FTSJ3: variants seen among roughly 807,000 people sequenced by gnomAD.
The protein encoded by FTSJ3 is FtsJ RNA 2'-O-methyltransferase 3, also known as pre-rRNA 2'-O-ribose RNA methyltransferase FTSJ3.
In FTSJ3, 46 loss-of-function variants were observed where a neutral mutation model predicts 111.5. The ratio of observed to expected loss-of-function variants is 0.41; its 90% CI spans 0.33 to 0.53. FTSJ3 has a LOEUF of 0.53. FTSJ3 is among the 20% of genes least tolerant of loss of function. The pLI is 0.19. For missense variants in FTSJ3, 1,075 were observed against 1,063.8 expected, an observed-to-expected ratio of 1.01 and a Z score of -0.15; for synonymous variants, 408 against 383.0, an observed-to-expected ratio of 1.07 and a Z score of -0.76.
At chr17:63,826,035 G>A (rs772963309) in intron 5 of FTSJ3, 21 bp downstream of exon 5, 52 of 1,569,770 alleles carry the variant, frequency 3.3e-5, no homozygotes, top group East Asian at 1.1e-4. Context: ...AAGGGGGAAG[G>A]AAGAGAGAGA....
chr17:63,827,627 G>C lies in FTSJ3; in HGVS notation c.-602C>G, dbSNP rs2040125472. ...GCGTCGGGTGGGTCGGAGGTGCCTG[G>C]ACCAGTCCATGCTGGACGCTGCCTG... On this transcript the variant is annotated 5_prime_UTR_variant, in exon 1 of 21. Coordinates refer to ENST00000427159, the MANE Select transcript of FTSJ3 (RefSeq NM_017647.4). 3.2e-6 allele frequency: 5 copies of C among 1,545,118 alleles called. No homozygotes were observed. The Admixed American group carries it at 5.9e-5, about 18-fold the overall frequency.
intron 1 of FTSJ3, 36 bp from the exon 2 acceptor site, chr17:63,826,964 C>T: frequency 7.1e-7 from 1 of 1,416,294 alleles, no homozygotes; most frequent in Non-Finnish European, 1.0e-6. Flanking sequence ...CGTCTCTTTC[C>T]GGAGCACCAG....
chr17:63,819,910 G>T lies in FTSJ3; in HGVS notation c.2436C>A (p.Arg812=). The T allele has an allele frequency of 6.2e-7, 1 of 1,614,126 alleles. No individual in the cohort carries two copies. Among genetic ancestry groups the T allele is most frequent in the Admixed American group, 1.7e-5 (1 of 60,022 alleles). ...VAKKGVGRKV[R]RPAGVRGHFK... ...AATGACCTCTGACTCCAGCTGGCCG[G>T]CGCACTTTGCGGCCCACACCTTTTT... Residue 812 remains arginine, a synonymous_variant, in exon 21 of 21, where the codon CGC becomes CGA. Coordinates refer to ENST00000427159, the MANE Select transcript of FTSJ3 (RefSeq NM_017647.4).
At chr17:63,826,475 CG>C in intron 3 of FTSJ3, 91 bp downstream of exon 3, 1 of 1,247,266 alleles carries the variant, frequency 8.0e-7, no homozygotes, top group Middle Eastern at 2.4e-4. Context: ...GACCGGGATT[CG>C]GGTTCCCCTC....
chr17:63,826,308 T>C lies in FTSJ3; in HGVS notation c.174-4A>G. 2.5e-6 allele frequency: 4 copies of C among 1,613,892 alleles called. No homozygotes were observed. Among genetic ancestry groups the C allele is most frequent in the Non-Finnish European group, 3.4e-6 (4 of 1,179,854 alleles). On this transcript the variant is annotated splice_region_variant and splice_polypyrimidine_tract_variant and intron_variant, in intron 3 of 20. Coordinates refer to ENST00000427159, the MANE Select transcript of FTSJ3 (RefSeq NM_017647.4). ...AAACTTGGCAGCTACCTGCAGCCTA[T>C]AAAAGGAACAGAAATTTAAAAACCT...
Position 63,827,076 on chromosome 17 carries a change from C to T in FTSJ3, c.-51G>A, listed in dbSNP as rs2040115175. The T allele has an allele frequency of 3.1e-6, 2 of 641,848 alleles. No homozygotes were observed. The highest frequency in any genetic ancestry group is 3.6e-5 in the South Asian group (2 of 55,162). The allele number at this position is 641,848 out of a possible 1,614,324, so 39.8% of individuals were successfully genotyped here. A position where few individuals can be genotyped will look rare whatever the true frequency, so the allele number is the denominator to read the frequency against. On this transcript the variant is annotated 5_prime_UTR_variant, in exon 1 of 21. It adds an upstream start codon to the 5' untranslated region. Coordinates refer to ENST00000427159, the MANE Select transcript of FTSJ3 (RefSeq NM_017647.4). The stretch of plus-strand genomic sequence containing the variant: ...CCTAGACCCAGAGCCGCTTTCTCCA[C>T]ACTTGGAACCGCACAAGTATGCAGC...
At chr17:63,825,864 T>G (rs1232937590) in intron 5 of FTSJ3, 192 bp downstream of exon 5, 4 of 636,224 alleles carry the variant, frequency 6.3e-6, no homozygotes. Context: ...CTTCTCCCAA[T>G]TCCAAACACC....
At chr17:63,826,197 AG>A in intron 4 of FTSJ3, 60 bp downstream of exon 4, 2 of 1,608,576 alleles carry the variant, frequency 1.2e-6, no homozygotes, top group East Asian at 4.5e-5. Flanking sequence ...AGAGAAATAC[AG>A]GACAAAATAC....
rs2040107640 is a variant in FTSJ3, at chr17:63,826,633, T to C, written c.107A>G (p.Asn36Ser). 6.2e-7 allele frequency: 1 copy of C among 1,614,068 alleles called. No individual in the cohort carries two copies. Among genetic ancestry groups the C allele is most frequent in the Non-Finnish European group, 8.5e-7 (1 of 1,179,998 alleles). Reference sequence around the variant, plus strand: ...TTTCTGCAGGAACTGAAAGCGGCGATTGAGCTGGATCAGCTTGAAAGCAGA... The same window carrying C: ...TTTCTGCAGGAACTGAAAGCGGCGACTGAGCTGGATCAGCTTGAAAGCAGA... Reference protein sequence around the residue: ...SRSAFKLIQLNRRFQFLQKAR... With the variant: ...SRSAFKLIQLSRRFQFLQKAR... The change falls in exon 3 of 21, where the codon AAT becomes AGT. Residue 36 changes from asparagine (N) to serine (S), a missense_variant. Physicochemically the swap from Asn to Ser is conservative, Grantham distance 46 (BLOSUM62 1). Around this residue, in one of 2 missense-constraint regions of FTSJ3, gnomAD observed 208 missense variants for 266.9 expected, o/e 0.78. Transcript: ENST00000427159.
In FTSJ3 at chr17:63,824,235, T is replaced by A. The variant is rs1394863131; in HGVS notation, c.1003A>T (p.Ser335Cys). The A allele has an allele frequency of 3.1e-6, 5 of 1,614,122 alleles. No homozygotes were observed. The African/African-American group carries it at 6.7e-5, about 22-fold the overall frequency. Residue 335 changes from serine to cysteine, a missense_variant, in exon 12 of 21, where the codon AGC becomes TGC. This residue lies in a region of FTSJ3 where 867 missense variants were observed against 796.9 expected (regional missense o/e 1.09). Transcript: ENST00000427159. ...EQAKALDISL[S>C]SGEEDEGDEE... is the part of the protein sequence containing the mutation. Reference sequence around the variant, plus strand: ...TCACCTTCATCTTCCTCTCCAGAGCTGAGGCTGGCAAAACAGTCCCAAGAG... The same window carrying A: ...TCACCTTCATCTTCCTCTCCAGAGCAGAGGCTGGCAAAACAGTCCCAAGAG...
rs2040122140 is a variant in FTSJ3 at position 63,827,487 on chromosome 17, G to C, written c.-462C>G. On this transcript the variant is annotated 5_prime_UTR_variant, in exon 1 of 21. Coordinates refer to ENST00000427159, the MANE Select transcript of FTSJ3 (RefSeq NM_017647.4). ...ATGCCGGCGGTCTCTGCTGAAGAGA[G>C]AAGATGGCGCTTGACGGACCAGAGC... is the stretch of plus-strand genomic sequence containing the variant. 6.4e-7 allele frequency: 1 copy of C among 1,551,758 alleles called. No individual in the cohort carries two copies. Among genetic ancestry groups the C allele is most frequent in the Non-Finnish European group, 8.7e-7 (1 of 1,147,002 alleles).
chr17:63,825,526 C>G lies in FTSJ3; in HGVS notation c.400+10G>C, dbSNP rs1328757049. 1 of 1,613,732 alleles carries G rather than the reference C, an allele frequency of 6.2e-7. No homozygotes were observed. Among genetic ancestry groups the G allele is most frequent in the Non-Finnish European group, 8.5e-7 (1 of 1,179,698 alleles). Reference sequence around the variant, plus strand: ...CATCACCTGATCTCCAAGCACCACACTCCCTGTACCTTGTGAGTAAGCATC... The same window carrying G: ...CATCACCTGATCTCCAAGCACCACAGTCCCTGTACCTTGTGAGTAAGCATC... On this transcript the variant is annotated intron_variant, in intron 6 of 20. Coordinates refer to ENST00000427159, the MANE Select transcript of FTSJ3 (RefSeq NM_017647.4).
Position 63,821,351 on chromosome 17 carries a change from C to T in FTSJ3, c.1886+3G>A, listed in dbSNP as rs1295056371. ...ATCCCTTCTCTCAGCTGCAACTACT[C>T]ACCTCTCTTCTTCCTCACTGCTAGT... On this transcript the variant is annotated splice_donor_region_variant and intron_variant, in intron 16 of 20. Transcript: ENST00000427159. The T allele has an allele frequency of 1.9e-6, 3 of 1,598,562 alleles. No individual in the cohort carries two copies. Among genetic ancestry groups the T allele is most frequent in the South Asian group, 2.2e-5 (2 of 89,406 alleles).
chr17:63,826,046 C>A lies in FTSJ3; in HGVS notation c.300+10G>T. On this transcript the variant is annotated intron_variant, in intron 5 of 20. Transcript: ENST00000427159. ...TATAAAGGGGGAAGGAAGAGAGAGA[C>A]TCCTATTACCTGCCTACAACGTTCT... 4.4e-6 allele frequency: 7 copies of A among 1,594,868 alleles called. No homozygotes were observed. Among genetic ancestry groups the A allele is most frequent in the Non-Finnish European group, 6.0e-6 (7 of 1,164,874 alleles).
intron 12 of FTSJ3, 22 bp from the exon 13 acceptor site, chr17:63,823,974 G>A (rs2040073768): frequency 1.9e-6 from 3 of 1,614,018 alleles, no homozygotes; most frequent in Admixed American, 1.7e-5. Flanking sequence ...GATTGAGGGA[G>A]TAAAACCGGC....
rs1231311205 is a variant in FTSJ3, at chr17:63,827,359, T to C, written c.-334A>G. 1.4e-5 allele frequency: 18 copies of C among 1,247,930 alleles called. No individual in the cohort carries two copies. In the East Asian group the frequency reaches 3.8e-4, roughly 26 times the overall value. The allele number at this position is 1,247,930 out of a possible 1,614,324, so 77.3% of individuals were successfully genotyped here. On this transcript the variant is annotated 5_prime_UTR_variant, in exon 1 of 21. Coordinates refer to ENST00000427159, the MANE Select transcript of FTSJ3 (RefSeq NM_017647.4). ...GCCCCTCCCATCATGGTTCCCTTAG[T>C]GTGGTCTCGCCGCACACCCCGCCCA...
rs746015552 is a variant in FTSJ3 at position 63,825,235 on chromosome 17, T to A, written c.595+7A>T. ...GCCTGGATCAAGAGAAAGGAAATGA[T>A]GCCCACCTTGGCAGACTACAAAGAT... On this transcript the variant is annotated splice_region_variant and intron_variant, in intron 7 of 20. Coordinates refer to ENST00000427159, the MANE Select transcript of FTSJ3 (RefSeq NM_017647.4). 6.2e-7 allele frequency: 1 copy of A among 1,613,968 alleles called. No homozygotes were observed.
At position 63,824,719 on chromosome 17, in the gene FTSJ3, C is replaced by T. The variant is rs756478154; in HGVS notation, c.835G>A (p.Glu279Lys). ...GTGGTAGCTGGATGCTGTGCCAACTCTTCATCATCTACCATGATCTGTTTG... is the reference window on the plus strand; with the variant it reads ...GTGGTAGCTGGATGCTGTGCCAACTTTTCATCATCTACCATGATCTGTTTG... ...KASEIMVDDE[E>K]LAQHPATTED... Residue 279 changes from glutamate (E) to lysine (K), a missense_variant, in exon 10 of 21, where the codon GAG becomes AAG. Glu to Lys is a moderately conservative substitution (Grantham distance 56). Coordinates refer to ENST00000427159, the MANE Select transcript of FTSJ3 (RefSeq NM_017647.4). 6.2e-7 allele frequency: 1 copy of T among 1,613,942 alleles called. No homozygotes were observed. The highest frequency in any genetic ancestry group is 8.5e-7 in the Non-Finnish European group (1 of 1,179,836).
chr17:63,825,769 A>G, intron 5 of FTSJ3, 134 bp from the exon 6 acceptor site: 1 of 724,548 alleles, frequency 1.4e-6, no homozygotes. Flanking sequence ...TACAATAGTA[A>G]ACAAAAACAG....
Sources: allele counts gnomAD v4.1 joint callset, GRCh38; gene constraint gnomAD v4.1.1; regional missense constraint gnomAD v4.1.1; transcripts MANE v1.5; gene names NCBI Gene and HGNC (gene_info 2026-07-23, HGNC 2026-07-21).